ARHGEF17: variants seen among roughly 807,000 people sequenced by gnomAD.
ARHGEF17 encodes 164 kDa Rho-specific guanine-nucleotide exchange factor.
A neutral mutation model predicts 174.0 loss-of-function variants in ARHGEF17; 80 were observed. The ratio of observed to expected loss-of-function variants is 0.46; its 90% CI spans 0.38 to 0.55. ARHGEF17 has a LOEUF of 0.55. Among genes scored for constraint, ARHGEF17 ranks in the 20% least tolerant of loss-of-function variants. The pLI, the probability that ARHGEF17 is intolerant of heterozygous loss-of-function variation, is 0.00. For missense variants in ARHGEF17, 2,886 were observed against 2,839.7 expected (o/e 1.02, Z -0.37); for synonymous variants, 1,311 against 1,189.1 (o/e 1.10, Z -2.11).
At chr11:73,315,474 C>G (rs1465559549) in intron 1 of ARHGEF17, among the ~76,000 whole-genome samples, 1 of 152,236 alleles carries the variant, frequency 6.6e-6, no homozygotes, top group African/African-American at 2.4e-5. Flanking sequence ...ACCCTTCTTT[C>G]TCCCCTTTTG....
At chr11:73,339,296 A>T (rs1865332597) in intron 1 of ARHGEF17, among the ~76,000 whole-genome samples, 1 of 152,242 alleles carries the variant, frequency 6.6e-6, no homozygotes, top group Non-Finnish European at 1.5e-5. Flanking sequence ...TAATCAACTA[A>T]TGAATAAAAT....
intron 1 of ARHGEF17, chr11:73,342,787 T>G (rs1591744316): frequency 7.6e-6 from 1 of 132,052 alleles, no homozygotes; most frequent in African/African-American, 3.0e-5. Flanking sequence ...GATGGGTCCG[T>G]GAGCGGACGC....
In ARHGEF17 at chr11:73,308,455, G is replaced by A; in HGVS notation, c.-184G>A. The A allele has an allele frequency of 1.9e-6, 1 of 520,974 alleles. No homozygotes were observed. Among genetic ancestry groups the A allele is most frequent in the Non-Finnish European group, 3.0e-6 (1 of 329,562 alleles). The allele number at this position is 520,974 out of a possible 1,614,324, so 32.3% of individuals were successfully genotyped here. ...AGGGGCCGCCCGGGATGGAGACGTT[G>A]CGGCCGGTGGCCACAGAAACTTGAG... is the stretch of plus-strand genomic sequence containing the variant. On this transcript the variant is annotated 5_prime_UTR_variant, in exon 1 of 21. Coordinates refer to ENST00000263674, the MANE Select transcript of ARHGEF17 (RefSeq NM_014786.4).
intron 1 of ARHGEF17, among the ~76,000 whole-genome samples, chr11:73,318,281 A>G (rs1202212723): frequency 6.6e-6 from 1 of 150,940 alleles, no homozygotes; most frequent in African/African-American, 2.5e-5. Flanking sequence ...CACTTGTGGC[A>G]GGCTGTGGTG....
At chr11:73,364,636 G>A in intron 18 of ARHGEF17, 36 bp downstream of exon 18, 1 of 1,588,242 alleles carries the variant, frequency 6.3e-7, no homozygotes, top group Non-Finnish European at 8.6e-7. Context: ...TGGTGCCATG[G>A]GATGAGCTAG....
At chr11:73,330,188 G>A (rs1001992362) in intron 1 of ARHGEF17, among the ~76,000 whole-genome samples, 58 of 152,276 alleles carry the variant, frequency 3.8e-4, no homozygotes, top group African/African-American at 1.3e-3. Flanking sequence ...TGGCATATGA[G>A]TTGCAAATAT....
intron 1 of ARHGEF17, among the ~76,000 whole-genome samples, chr11:73,337,873 A>G (rs926026488): frequency 1.3e-5 from 2 of 152,198 alleles, no homozygotes; most frequent in African/African-American, 4.8e-5. Flanking sequence ...CAGAGAGGAC[A>G]CAGGTCGTGT....
intron 9 of ARHGEF17, 134 bp downstream of exon 9, chr11:73,357,461 G>C (rs1865664602): frequency 2.6e-6 from 2 of 778,036 alleles, no homozygotes; most frequent in Non-Finnish European, 4.1e-6. Context: ...CTCATCCAGT[G>C]CAAGGGGGCT....
intron 2 of ARHGEF17, among the ~76,000 whole-genome samples, chr11:73,351,958 T>C (rs572192083): frequency 6.6e-6 from 1 of 152,354 alleles, no homozygotes; most frequent in Non-Finnish European, 1.5e-5. Flanking sequence ...CGCGTTTTAA[T>C]ATCCCTAAAT....
At chr11:73,334,847 C>T (rs536307653) in intron 1 of ARHGEF17, among the ~76,000 whole-genome samples, 1 of 152,154 alleles carries the variant, frequency 6.6e-6, no homozygotes, top group African/African-American at 2.4e-5. Context: ...TCCCAGCCCC[C>T]CTGCAGGCTG....
intron 1 of ARHGEF17, among the ~76,000 whole-genome samples, chr11:73,318,358 C>T (rs536135704): frequency 2.6e-5 from 4 of 152,272 alleles, no homozygotes; most frequent in South Asian, 2.1e-4. Context: ...TTATCTGGGC[C>T]GGGCGTGGTG....
In ARHGEF17 at chr11:73,311,712, T is replaced by C. The variant is rs775369422; in HGVS notation, c.3074T>C (p.Val1025Ala). The change falls in exon 1 of 21, where the codon GTG (valine) becomes GCG (alanine). Residue 1025 changes from valine to alanine, a missense_variant. By Grantham distance (64) the Val-to-Ala change is moderately conservative (BLOSUM62 0). Coordinates refer to ENST00000263674, the MANE Select transcript of ARHGEF17 (RefSeq NM_014786.4). ...HSGEVPAPVP[V>A]DMPCLPLAAP... is the part of the protein sequence containing the mutation. The stretch of plus-strand genomic sequence containing the variant: ...GGTGAGGTCCCTGCCCCAGTGCCAG[T>C]GGACATGCCCTGCTTGCCTCTGGCT... 22 of 1,613,236 alleles carry C rather than the reference T, an allele frequency of 1.4e-5. No homozygotes were observed. Among genetic ancestry groups the C allele is most frequent in the Non-Finnish European group, 1.7e-5 (20 of 1,180,030 alleles).
chr11:73,333,508 A>G (rs1006824076), intron 1 of ARHGEF17, among the ~76,000 whole-genome samples: 1 of 152,232 alleles, frequency 6.6e-6, no homozygotes, highest in African/African-American at 2.4e-5. Flanking sequence ...TCCAGAGGCT[A>G]GGGTGGAGGG....
chr11:73,308,583 G>A lies in ARHGEF17; in HGVS notation c.-56G>A. The A allele has an allele frequency of 7.5e-7, 1 of 1,340,126 alleles. No homozygotes were observed. Among genetic ancestry groups the A allele is most frequent in the Non-Finnish European group, 9.6e-7 (1 of 1,038,580 alleles). 83.0% of individuals were successfully genotyped at this position (1,340,126 alleles called of 1,614,324 possible). A position where few individuals can be genotyped will look rare whatever the true frequency, so the allele number is the denominator to read the frequency against. ...TGCGCTCCTAGGGAGTGGGGGCGCA[G>A]GGGGGGTTGGCCGCGGCTGCCCGAG... On this transcript the variant is annotated 5_prime_UTR_variant, in exon 1 of 21. Transcript: ENST00000263674.
chr11:73,345,753 C>G (rs911128781), intron 1 of ARHGEF17, among the ~76,000 whole-genome samples: 2 of 152,172 alleles, frequency 1.3e-5, no homozygotes, highest in Non-Finnish European at 2.9e-5. Context: ...ATGCTCAGGC[C>G]AAGCCGAGAC....
chr11:73,362,445 G>C lies in ARHGEF17; in HGVS notation c.4707G>C (p.Pro1569=). 1 of 1,565,346 alleles carries C rather than the reference G, an allele frequency of 6.4e-7. No individual in the cohort carries two copies. ...CGTCTTCTCGCAGGGAGCCTCCTCCGTCGCTGAGGAGTCCTCCAGAGACGG... is the reference window on the plus strand; with the variant it reads ...CGTCTTCTCGCAGGGAGCCTCCTCCCTCGCTGAGGAGTCCTCCAGAGACGG... ...LQPRCHREPP[P]SLRSPPETAP... Residue 1569 remains proline (P), a synonymous_variant, in exon 14 of 21, where the codon CCG becomes CCC. Coordinates refer to ENST00000263674, the MANE Select transcript of ARHGEF17 (RefSeq NM_014786.4).
intron 16 of ARHGEF17, 107 bp downstream of exon 16, chr11:73,363,940 A>G (rs962851152): frequency 2.3e-6 from 3 of 1,305,996 alleles, no homozygotes; most frequent in African/African-American, 2.9e-5. Flanking sequence ...CTCTGTGTGG[A>G]GGCTGGAAGC....
At chr11:73,326,632 A>G (rs1420467075) in intron 1 of ARHGEF17, among the ~76,000 whole-genome samples, 2 of 152,214 alleles carry the variant, frequency 1.3e-5, no homozygotes, top group Non-Finnish European at 2.9e-5. Flanking sequence ...AGGCAGGAGA[A>G]TCGCTTGAAC....
chr11:73,350,672 C>T (rs1257341001), intron 2 of ARHGEF17, among the ~76,000 whole-genome samples: 1 of 152,162 alleles, frequency 6.6e-6, no homozygotes, highest in Non-Finnish European at 1.5e-5. Flanking sequence ...GGTCCTAGGG[C>T]TACATCCCTT....
Sources: gnomAD v4.1 joint callset for allele counts (sites outside exome capture counted in the v4.1 genomes callset) on GRCh38, gnomAD v4.1.1 for gene constraint, MANE v1.5 for transcripts, NCBI Gene and HGNC (gene_info 2026-07-23, HGNC 2026-07-21) for gene names.